The following GLIS1 variants were observed in gnomAD, a reference collection of about 807,000 sequenced individuals.
GLIS1 encodes the protein GLIS family zinc finger 1.
In GLIS1, 24 loss-of-function variants were observed where a neutral mutation model predicts 63.8. That is an observed-to-expected ratio of 0.38 (90% confidence interval 0.27 to 0.53). GLIS1 has a LOEUF of 0.53. Ranked by LOEUF, GLIS1 falls within the 20% of genes least tolerant of loss-of-function variation. The probability of loss-of-function intolerance (pLI) is 0.85; values close to 1 mark genes in which losing one functional copy is unlikely to be tolerated. For synonymous variants in GLIS1, 450 were observed against 482.5 expected (o/e 0.93, Z 0.88); for missense variants, 1,036 against 1,074.1 (o/e 0.96, Z 0.50).
intron 2 of GLIS1, among the ~76,000 whole-genome samples, chr1:53,731,798 T>G (rs528377034): frequency 6.6e-6 from 1 of 152,340 alleles, no homozygotes; most frequent in South Asian, 2.1e-4. Flanking sequence ...TGTTCATCTT[T>G]AGCAGTCAAG....
intron 2 of GLIS1, among the ~76,000 whole-genome samples, chr1:53,694,562 C>T (rs10888803): frequency 0.25 from 38,376 of 152,088 alleles, 5,214 homozygotes; most frequent in African/African-American, 0.36. Flanking sequence ...CCTGCTGAGG[C>T]GGCAGCACCA....
chr1:53,709,341 CATATAT>C (rs1557534110), intron 2 of GLIS1, among the ~76,000 whole-genome samples: 1 of 132,264 alleles, frequency 7.6e-6, no homozygotes, highest in African/African-American at 3.1e-5. Context: ...CATATATATA[CATATAT>C]ACATATATAT....
chr1:53,566,710 T>G (rs1228523190), intron 4 of GLIS1, among the ~76,000 whole-genome samples: 1 of 152,194 alleles, frequency 6.6e-6, no homozygotes, highest in Non-Finnish European at 1.5e-5. Flanking sequence ...AAGATCTGAT[T>G]GTTTAAAAGT....
At chr1:53,663,011 T>C (rs751988151) in intron 2 of GLIS1, among the ~76,000 whole-genome samples, 1 of 152,142 alleles carries the variant, frequency 6.6e-6, no homozygotes, top group Non-Finnish European at 1.5e-5. Context: ...TCACTGGCAA[T>C]CCAGAGCCCA....
At chr1:53,662,150 C>T (rs1325353951) in intron 2 of GLIS1, among the ~76,000 whole-genome samples, 1 of 152,180 alleles carries the variant, frequency 6.6e-6, no homozygotes, top group East Asian at 1.9e-4. Context: ...CTGGAAGACC[C>T]CAGGCAAGTT....
At chr1:53,682,107 G>A (rs1388770763) in intron 2 of GLIS1, among the ~76,000 whole-genome samples, 1 of 152,232 alleles carries the variant, frequency 6.6e-6, no homozygotes, top group Non-Finnish European at 1.5e-5. Flanking sequence ...GCCAGCGGGG[G>A]CCGTTCCAGG....
intron 2 of GLIS1, among the ~76,000 whole-genome samples, chr1:53,640,827 G>GCA (rs146587385): frequency 1.1e-4 from 17 of 151,706 alleles, no homozygotes; most frequent in East Asian, 5.8e-4. Flanking sequence ...TCATGCATGT[G>GCA]CACACACACA....
chr1:53,734,145 C>T, intron 2 of GLIS1: 5 of 984,684 alleles, frequency 5.1e-6, no homozygotes, highest in Non-Finnish European at 6.0e-6. Flanking sequence ...GCGGGGTTCA[C>T]ATTTGTCGTG....
chr1:53,661,428 A>G (rs1228336334), intron 2 of GLIS1, among the ~76,000 whole-genome samples: 5 of 152,062 alleles, frequency 3.3e-5, no homozygotes, highest in Admixed American at 3.3e-4. Flanking sequence ...CTGGAACAAG[A>G]TTTTCAAAAA....
chr1:53,730,823 G>A (rs1306019022), intron 2 of GLIS1, among the ~76,000 whole-genome samples: 1 of 152,106 alleles, frequency 6.6e-6, no homozygotes, highest in African/African-American at 2.4e-5. Flanking sequence ...CCATAGGGGG[G>A]GTCATCTAGC....
chr1:53,668,405 A>C (rs1044274798), intron 2 of GLIS1, among the ~76,000 whole-genome samples: 1 of 152,214 alleles, frequency 6.6e-6, no homozygotes, highest in Non-Finnish European at 1.5e-5. Context: ...TCTGTCACCC[A>C]GGCTGCAGTG....
chr1:53,717,851 C>T (rs1355143183), intron 2 of GLIS1, among the ~76,000 whole-genome samples: 1 of 152,180 alleles, frequency 6.6e-6, no homozygotes, highest in Non-Finnish European at 1.5e-5. Flanking sequence ...GAGTGCCTAA[C>T]TCACAGCAGG....
rs1348059907 is a variant in GLIS1 at position 53,511,444 on chromosome 1, G to A, written c.1884-1417C>T. ...TTCCTCTCTGCTCCCTCCAACGTTGGCAGCCCCTCCACTGCCCCTCCAGTC... is the reference window on the plus strand; with the variant it reads ...TTCCTCTCTGCTCCCTCCAACGTTGACAGCCCCTCCACTGCCCCTCCAGTC... On this transcript the variant is annotated intron_variant, in intron 8 of 10. Coordinates refer to ENST00000628545, the MANE Select transcript of GLIS1 (RefSeq NM_001367484.1). The surrounding 1 kb of genome is among the most constrained non-coding windows in gnomAD (Gnocchi z 4.2). 2.6e-5 allele frequency among the ~76,000 whole-genome samples: 4 copies of A among 152,094 alleles called. No individual in the cohort carries two copies. Among genetic ancestry groups the A allele is most frequent in the Non-Finnish European group, 5.9e-5 (4 of 68,012 alleles).
At chr1:53,552,779 T>A (rs1644773372) in intron 4 of GLIS1, among the ~76,000 whole-genome samples, 1 of 152,232 alleles carries the variant, frequency 6.6e-6, no homozygotes, top group African/African-American at 2.4e-5. Flanking sequence ...ACAATCTCTC[T>A]GAGAGTTCTT....
At chr1:53,615,177 G>T (rs1645468000) in intron 2 of GLIS1, among the ~76,000 whole-genome samples, 1 of 152,138 alleles carries the variant, frequency 6.6e-6, no homozygotes, top group Non-Finnish European at 1.5e-5. Context: ...GACGGCAGGG[G>T]TCAGGAGGAC....
intron 4 of GLIS1, among the ~76,000 whole-genome samples, chr1:53,578,623 T>C (rs757637112): frequency 7.2e-5 from 11 of 152,340 alleles, no homozygotes; most frequent in Middle Eastern, 3.4e-3. Context: ...CAAGTTGCCC[T>C]CTTTGCTTTG....
chr1:53,658,822 GCCTA>G (rs1053434167), intron 2 of GLIS1, among the ~76,000 whole-genome samples: 13 of 152,168 alleles, frequency 8.5e-5, no homozygotes, highest in Non-Finnish European at 1.5e-5. Context: ...ATCATAACTG[GCCTA>G]CCTGTCTCTC....
chr1:53,597,304 C>T (rs1358621639), intron 3 of GLIS1, among the ~76,000 whole-genome samples: 1 of 138,682 alleles, frequency 7.2e-6, no homozygotes, highest in African/African-American at 2.7e-5. Context: ...ACCCGGGAGG[C>T]GGAGCTTGCA....
intron 2 of GLIS1, among the ~76,000 whole-genome samples, chr1:53,653,169 C>T (rs527773833): frequency 6.6e-6 from 1 of 152,138 alleles, no homozygotes; most frequent in Non-Finnish European, 1.5e-5. Context: ...CTGAACGAAG[C>T]AAAGGAGAAA....
Sources: allele counts gnomAD v4.1 joint callset (sites outside exome capture counted in the v4.1 genomes callset), GRCh38; gene constraint gnomAD v4.1.1; non-coding constraint Gnocchi (gnomAD v3.1); transcripts MANE v1.5; gene names NCBI Gene and HGNC (gene_info 2026-07-23, HGNC 2026-07-21).